Variants in HIGD1B observed in about 807,000 individuals in gnomAD.
HIGD1B encodes the protein HIG1 domain family member 1B.
Under a neutral mutation model 8.8 loss-of-function variants are expected in HIGD1B, and 9 were observed. The ratio of observed to expected loss-of-function variants is 1.02; its 90% CI spans 0.62 to 1.78. The LOEUF (loss-of-function observed/expected upper bound fraction) is 1.78, where lower values mean the gene tolerates loss of function less well. Ranked by LOEUF, HIGD1B falls within the 40% of genes most tolerant of loss-of-function variation. The pLI is 0.00. For synonymous variants in HIGD1B, 47 were observed against 38.8 expected, an observed-to-expected ratio of 1.21 and a Z score of -0.78; for missense variants, 126 against 111.8, an observed-to-expected ratio of 1.13 and a Z score of -0.57.
chr17:44,849,329 T>TACACCTGATTC lies in HIGD1B; in HGVS notation c.182_192dup (p.Arg65Ter). 6.2e-7 allele frequency: 1 copy of TACACCTGATTC among 1,614,150 alleles called. No individual in the cohort carries two copies. The highest frequency in any genetic ancestry group is 1.1e-5 in the South Asian group (1 of 91,078). On this transcript the variant is annotated frameshift_variant, in exon 2 of 3. Transcript: ENST00000253410. LOFTEE classifies it high-confidence loss of function. ...TCTCGTGGTTCCACCAAGATGTCCA[T>TACACCTGATTC]ACACCTGATTCACACCCGAGTGGCA...
At position 44,850,366 on chromosome 17, in the gene HIGD1B, G is replaced by A. The variant is rs2050422815; in HGVS notation, c.270G>A (p.Lys90=). The change falls in exon 3 of 3, where the codon AAG becomes AAA. Residue 90 remains lysine (K), a synonymous_variant. Coordinates refer to ENST00000253410, the MANE Select transcript of HIGD1B (RefSeq NM_016438.4). ...ACACAATGTACAGCGATTACGTCAA[G>A]AGGATGGCACAGGATGCTGGAGAGA... The part of the protein sequence containing the change: ...AVYTMYSDYV[K]RMAQDAGEK The A allele has an allele frequency of 6.2e-7, 1 of 1,613,502 alleles. No homozygotes were observed. The highest frequency in any genetic ancestry group is 8.5e-7 in the Non-Finnish European group (1 of 1,179,638).
intron 1 of HIGD1B, 102 bp from the exon 2 acceptor site, chr17:44,849,152 A>C: frequency 2.2e-6 from 3 of 1,363,422 alleles, no homozygotes; most frequent in Non-Finnish European, 2.0e-6. Flanking sequence ...GCATAAAACC[A>C]GCTGTTTATC....
upstream of HIGD1B, among the ~76,000 whole-genome samples, chr17:44,847,095 C>T (rs2050330535): frequency 6.6e-6 from 1 of 151,544 alleles, no homozygotes; most frequent in African/African-American, 2.4e-5. Context: ...CGAGATGGCA[C>T]CACTGCACTC....
At chr17:44,848,526 C>T (rs1030354337) in intron 1 of HIGD1B, among the ~76,000 whole-genome samples, 1 of 152,128 alleles carries the variant, frequency 6.6e-6, no homozygotes, top group African/African-American at 2.4e-5. Flanking sequence ...CCTTGGGGTC[C>T]CCCAGGGCTT....
In HIGD1B at chr17:44,850,427, C is replaced by T. The variant is rs577806974; in HGVS notation, c.*31C>T. The T allele has an allele frequency of 2.0e-6, 3 of 1,523,718 alleles. No homozygotes were observed. Among genetic ancestry groups the T allele is most frequent in the Admixed American group, 3.4e-5 (2 of 58,196 alleles). The allele number at this position is 1,523,718 out of a possible 1,614,324, so 94.4% of individuals were successfully genotyped here. On this transcript the variant is annotated 3_prime_UTR_variant, in exon 3 of 3. Coordinates refer to ENST00000253410, the MANE Select transcript of HIGD1B (RefSeq NM_016438.4). ...CTATAGGAGCCGGGGCTGTCCAACT[C>T]CCCTAACTCAATCCCTGGTACATTC...
In HIGD1B at chr17:44,848,192, G is replaced by A. The variant is rs776760997; in HGVS notation, c.40G>A (p.Glu14Lys). 3 of 872,910 alleles carry A rather than the reference G, an allele frequency of 3.4e-6. No individual in the cohort carries two copies. In the South Asian group the frequency reaches 3.9e-5, roughly 11 times the overall value. The allele number at this position is 872,910 out of a possible 1,614,324, so 54.1% of individuals were successfully genotyped here. The stretch of plus-strand genomic sequence containing the variant: ...ACGCTGGTGGGTACCACCTGACGAC[G>A]AAGACTGTGTGTCTGAGAAGCTCCT... ...NRRWWVPPDDEDCVSEKLLRK... is the reference protein window; with the variant it reads ...NRRWWVPPDDKDCVSEKLLRK... The change falls in exon 1 of 3, where the codon GAA (glutamate) becomes AAA (lysine). Residue 14 changes from glutamate (E) to lysine (K), a missense_variant. By Grantham distance (56) the Glu-to-Lys change is moderately conservative. Transcript: ENST00000253410.
upstream of HIGD1B, among the ~76,000 whole-genome samples, chr17:44,847,390 G>A (rs578045694): frequency 1.1e-4 from 16 of 152,222 alleles, no homozygotes; most frequent in East Asian, 9.7e-4. Flanking sequence ...CCGAGATTGC[G>A]CCACTGCAGT....
At chr17:44,849,457 C>T in intron 2 of HIGD1B, 69 bp downstream of exon 2, 2 of 1,579,242 alleles carry the variant, frequency 1.3e-6, no homozygotes, top group South Asian at 1.1e-5. Context: ...CTTTAAGTCC[C>T]AACAATTAAA....
intron 2 of HIGD1B, chr17:44,850,101 T>C: frequency 2.2e-6 from 1 of 445,270 alleles, no homozygotes; most frequent in South Asian, 4.0e-5. Context: ...GCTGTGAGGT[T>C]TCTCAGATAC....
At chr17:44,847,877 G>A (rs1466634612), upstream of HIGD1B, 2 of 323,110 alleles carry the variant, frequency 6.2e-6, no homozygotes, top group East Asian at 7.0e-5. Context: ...GGGAAGCTGA[G>A]AAAGCAGTGA....
At chr17:44,850,285 G>C in intron 2 of HIGD1B, 47 bp from the exon 3 acceptor site, 1 of 1,519,594 alleles carries the variant, frequency 6.6e-7, no homozygotes, top group South Asian at 1.2e-5. Context: ...CAGAGGACGG[G>C]TGAAGGGTTT....
Position 44,848,052 on chromosome 17 carries a change from C to T in HIGD1B, c.-101C>T. 2 of 697,954 alleles carry T rather than the reference C, an allele frequency of 2.9e-6. No individual in the cohort carries two copies. Among genetic ancestry groups the T allele is most frequent in the Non-Finnish European group, 5.2e-6 (2 of 387,942 alleles). The allele number at this position is 697,954 out of a possible 1,614,324, so 43.2% of individuals were successfully genotyped here. On this transcript the variant is annotated 5_prime_UTR_variant, in exon 1 of 3. Coordinates refer to ENST00000253410, the MANE Select transcript of HIGD1B (RefSeq NM_016438.4). ...GGTCTTAGCAGGTAACCTTCCTTTC[C>T]TCTCCAGACTGAGGAATCAGAGTTC...
At chr17:44,847,295 C>T (rs892532246), upstream of HIGD1B, among the ~76,000 whole-genome samples, 52 of 151,858 alleles carry the variant, frequency 3.4e-4, no homozygotes, top group African/African-American at 1.1e-3. Flanking sequence ...TAGCCGGGCG[C>T]GGTGGCGGGC....
rs192243779 is a variant in HIGD1B at position 44,848,869 on chromosome 17, G to C, written c.101-385G>C. ...CGGTTCACCACAACCCCTGCCTCCT[G>C]GGTTCAAGTGGTTCTCCTGCATCAG... On this transcript the variant is annotated intron_variant, in intron 1 of 2. Transcript: ENST00000253410. 1.6e-4 allele frequency among the ~76,000 whole-genome samples: 25 copies of C among 152,188 alleles called. 1 individual carries two copies. In the East Asian group the frequency reaches 4.4e-3, roughly 27 times the overall value.
chr17:44,850,261 G>A (rs1404659333), intron 2 of HIGD1B, 71 bp from the exon 3 acceptor site: 2 of 1,279,370 alleles, frequency 1.6e-6, no homozygotes, highest in East Asian at 2.3e-5. Flanking sequence ...TGAACCCCTA[G>A]GACGCCTGAG....
In HIGD1B at chr17:44,850,311, TATTTC is replaced by T. The variant is rs771670954; in HGVS notation, c.236-20_236-16del. On this transcript the variant is annotated splice_polypyrimidine_tract_variant and intron_variant, in intron 2 of 2. Transcript: ENST00000253410. The stretch of plus-strand genomic sequence containing the variant: ...TGAAGGGTTTGATGCCAAGGGGCAT[TATTTC>T]TTTTCTCTCACACAGGTGCTGTGTA... 1.3e-4 allele frequency: 208 copies of T among 1,603,902 alleles called. 1 individual carries two copies. The Middle Eastern group carries it at 2.4e-3, about 18-fold the overall frequency.
Position 44,849,319 on chromosome 17 carries a change from A to G in HIGD1B, c.166A>G (p.Lys56Glu). 6.2e-7 allele frequency: 1 copy of G among 1,614,146 alleles called. No homozygotes were observed. The highest frequency in any genetic ancestry group is 8.5e-7 in the Non-Finnish European group (1 of 1,180,014). The change falls in exon 2 of 3, where the codon AAG (lysine) becomes GAG (glutamate). Residue 56 changes from lysine (K) to glutamate (E), a missense_variant. Physicochemically the swap from Lys to Glu is moderately conservative, Grantham distance 56. Transcript: ENST00000253410. ...CCGGCTGAGGTCTCGTGGTTCCACC[A>G]AGATGTCCATACACCTGATTCACAC... Reference protein sequence around the residue: ...IYRLRSRGSTKMSIHLIHTRV... With the variant: ...IYRLRSRGSTEMSIHLIHTRV...
At chr17:44,845,986 A>G (rs927832917), upstream of HIGD1B, among the ~76,000 whole-genome samples, 6 of 151,826 alleles carry the variant, frequency 4.0e-5, no homozygotes, top group Non-Finnish European at 8.8e-5. Flanking sequence ...GTCTCTCACA[A>G]CTAGGGTATT....
rs139027359 is a variant in HIGD1B at position 44,849,315 on chromosome 17, C to T, written c.162C>T (p.Ser54=). Residue 54 remains serine, a synonymous_variant, in exon 2 of 3, where the codon TCC becomes TCT. Coordinates refer to ENST00000253410, the MANE Select transcript of HIGD1B (RefSeq NM_016438.4). The stretch of plus-strand genomic sequence containing the variant: ...TTTACCGGCTGAGGTCTCGTGGTTC[C>T]ACCAAGATGTCCATACACCTGATTC... ...YRIYRLRSRG[S]TKMSIHLIHT... 3.7e-6 allele frequency: 6 copies of T among 1,614,146 alleles called. No individual in the cohort carries two copies. The African/African-American group carries it at 6.7e-5, about 18-fold the overall frequency.
Sources: allele counts gnomAD v4.1 joint callset (sites outside exome capture counted in the v4.1 genomes callset), GRCh38; gene constraint gnomAD v4.1.1; transcripts MANE v1.5; gene names NCBI Gene and HGNC (gene_info 2026-07-23, HGNC 2026-07-21).